The following TRAPPC11 variants were observed in gnomAD, a reference collection of about 807,000 sequenced individuals.
TRAPPC11 encodes foie gras homolog.
Under a neutral mutation model 151.2 loss-of-function variants are expected in TRAPPC11, and 104 were observed. The ratio of observed to expected loss-of-function variants is 0.69; its 90% CI spans 0.59 to 0.81. The LOEUF is 0.81. Among genes scored for constraint, TRAPPC11 ranks in the 30% least tolerant of loss-of-function variants. TRAPPC11 has a pLI of 0.00. For synonymous variants in TRAPPC11, 456 were observed against 472.3 expected, an observed-to-expected ratio of 0.97 and a Z score of 0.45; for missense variants, 1,230 against 1,349.6, an observed-to-expected ratio of 0.91 and a Z score of 1.39.
intron 26 of TRAPPC11, among the ~76,000 whole-genome samples, chr4:183,702,310 C>T (rs1414328728): frequency 6.7e-5 from 10 of 149,966 alleles, no homozygotes; most frequent in Middle Eastern, 3.2e-3. Flanking sequence ...TGCCACTGCA[C>T]TCTAGCCTGG....
At chr4:183,679,312 C>T in intron 8 of TRAPPC11, 41 bp from the exon 9 acceptor site, 1 of 1,510,042 alleles carries the variant, frequency 6.6e-7, no homozygotes, top group African/African-American at 1.4e-5. Flanking sequence ...TTTTGACTTT[C>T]TTTTTTTCCT....
At chr4:183,685,207 A>T in intron 16 of TRAPPC11, 62 bp downstream of exon 16, 1 of 1,609,360 alleles carries the variant, frequency 6.2e-7, no homozygotes, top group Non-Finnish European at 8.5e-7. Context: ...TATCTATATC[A>T]ACTAATCCAA....
rs1736048047 is a variant in TRAPPC11 at position 183,687,576 on chromosome 4, A to T, written c.1893+828A>T. On this transcript the variant is annotated intron_variant, in intron 18 of 29. Transcript: ENST00000334690. ...ACTCCTGGGCTCCAGTGATCCACCAACCTCAGCCTCCCAAAGTGCTAGGAT... is the reference window on the plus strand; with the variant it reads ...ACTCCTGGGCTCCAGTGATCCACCATCCTCAGCCTCCCAAAGTGCTAGGAT... Among the ~76,000 whole-genome samples, 4 of 151,960 alleles carry T rather than the reference A, an allele frequency of 2.6e-5. No individual in the cohort carries two copies. In the South Asian group the frequency reaches 8.3e-4, roughly 32 times the overall value.
chr4:183,691,528 A>G (rs953771433), intron 19 of TRAPPC11, 57 bp downstream of exon 19: 23 of 1,048,520 alleles, frequency 2.2e-5, no homozygotes, highest in African/African-American at 6.6e-5. Context: ...GTTTATATCA[A>G]TATTTTAAAT....
intron 17 of TRAPPC11, among the ~76,000 whole-genome samples, chr4:183,685,835 TTTTA>T (rs1735936278): frequency 6.6e-6 from 1 of 152,274 alleles, no homozygotes; most frequent in East Asian, 1.9e-4. Context: ...TGTTCATTTA[TTTTA>T]TTTTTCTTTT....
Position 183,666,412 on chromosome 4 carries a change from A to AG in TRAPPC11, c.361dup (p.Val121GlyfsTer46). ...AAAAGCAGTCTGAGTGCGCCACCAG[A>AG]GTGGAAATAGTCAGGTATGATCTTC... On this transcript the variant is annotated frameshift_variant, in exon 3 of 30. Coordinates refer to ENST00000334690, the MANE Select transcript of TRAPPC11 (RefSeq NM_021942.6). LOFTEE classifies it high-confidence loss of function. 6.2e-7 allele frequency: 1 copy of AG among 1,613,672 alleles called. No individual in the cohort carries two copies. The highest frequency in any genetic ancestry group is 8.5e-7 in the Non-Finnish European group (1 of 1,179,720).
intron 5 of TRAPPC11, among the ~76,000 whole-genome samples, chr4:183,673,364 C>A (rs1477827414): frequency 6.6e-6 from 1 of 152,142 alleles, no homozygotes; most frequent in Non-Finnish European, 1.5e-5. Context: ...TTTAAAACTA[C>A]AGTTTTGAAA....
In TRAPPC11 at chr4:183,686,199, C is replaced by T. The variant is rs558155512; in HGVS notation, c.1763-419C>T. ...TCACCTAGGCTGGAGGGCAATGCTG[C>T]GACCTCCGTTTACCACAACCTCCAC... On this transcript the variant is annotated intron_variant, in intron 17 of 29. Coordinates refer to ENST00000334690, the MANE Select transcript of TRAPPC11 (RefSeq NM_021942.6). 7.2e-5 allele frequency among the ~76,000 whole-genome samples: 11 copies of T among 152,266 alleles called. No individual in the cohort carries two copies. In the South Asian group the frequency reaches 1.2e-3, roughly 17 times the overall value.
At chr4:183,663,755 TGAGACAGAGTTTTGCTC>T in intron 1 of TRAPPC11, 75 bp from the exon 2 acceptor site, 9 of 473,396 alleles carry the variant, frequency 1.9e-5, no homozygotes, top group South Asian at 7.0e-5. Context: ...TTTTTTTTTT[TGAGACAGAGTTTTGCTC>T]TTGTTGCCCA....
chr4:183,672,993 C>T (rs1561033277), intron 5 of TRAPPC11, among the ~76,000 whole-genome samples: 2 of 141,394 alleles, frequency 1.4e-5, no homozygotes, highest in African/African-American at 2.7e-5. Context: ...GATGGAGTCT[C>T]GCTCTGTTGC....
At position 183,679,504 on chromosome 4, in the gene TRAPPC11, CT is replaced by C; in HGVS notation, c.965+22del. 6.4e-7 allele frequency: 1 copy of C among 1,559,156 alleles called. No individual in the cohort carries two copies. The highest frequency in any genetic ancestry group is 2.0e-5 in the Admixed American group (1 of 50,722). The stretch of plus-strand genomic sequence containing the variant: ...TCTAAACAGTATGTTTTACATTGTC[CT>C]TTTAGAATTTTTTAAAAATGATACA... On this transcript the variant is annotated intron_variant, in intron 9 of 29. Transcript: ENST00000334690.
At chr4:183,693,503 G>A (rs1736363981) in intron 20 of TRAPPC11, 86 bp from the exon 21 acceptor site, 3 of 1,424,082 alleles carry the variant, frequency 2.1e-6, no homozygotes, top group African/African-American at 2.9e-5. Flanking sequence ...TCTGCACCCA[G>A]CCTCTTATTT....
chr4:183,681,746 C>G (rs1561041759), intron 10 of TRAPPC11, among the ~76,000 whole-genome samples: 1 of 150,216 alleles, frequency 6.7e-6, no homozygotes. Context: ...TGCCAGTGCA[C>G]TCCAGCCTGG....
chr4:183,691,083 G>A (rs1484947390), intron 18 of TRAPPC11, among the ~76,000 whole-genome samples: 1 of 152,194 alleles, frequency 6.6e-6, no homozygotes, highest in Non-Finnish European at 1.5e-5. Context: ...TGTTTCTCTG[G>A]GAGAGGGATA....
At chr4:183,704,779 C>T (rs562929622) in intron 26 of TRAPPC11, among the ~76,000 whole-genome samples, 200 bp from the exon 27 acceptor site, 36 of 152,152 alleles carry the variant, frequency 2.4e-4, no homozygotes, top group African/African-American at 8.4e-4. Context: ...CGCCACTGCA[C>T]TCCAGTCTGG....
intron 18 of TRAPPC11, among the ~76,000 whole-genome samples, chr4:183,687,171 T>G (rs961453618): frequency 7.9e-5 from 12 of 151,950 alleles, no homozygotes; most frequent in African/African-American, 2.7e-4. Context: ...CAGAGCAAGA[T>G]CTGTGTCAAA....
At chr4:183,681,772 C>CAA (rs148717952) in intron 10 of TRAPPC11, among the ~76,000 whole-genome samples, 20,557 of 121,972 alleles carry the variant, frequency 0.17, 1,558 homozygotes, top group East Asian at 0.23. Context: ...AACTCTGTCT[C>CAA]AAAAAGAAAA....
At chr4:183,671,063 A>G (rs1735130469) in intron 5 of TRAPPC11, among the ~76,000 whole-genome samples, 1 of 151,984 alleles carries the variant, frequency 6.6e-6, no homozygotes, top group Non-Finnish European at 1.5e-5. Context: ...TCAGGGTTTT[A>G]CCACATTGGC....
intron 8 of TRAPPC11, 22 bp from the exon 9 acceptor site, chr4:183,679,331 G>T: frequency 4.6e-6 from 7 of 1,524,202 alleles, no homozygotes; most frequent in Admixed American, 2.2e-5. Context: ...CTTTATTTTG[G>T]GATCAATTTT....
Sources: gnomAD v4.1 joint callset for allele counts (sites outside exome capture counted in the v4.1 genomes callset) on GRCh38, gnomAD v4.1.1 for gene constraint, MANE v1.5 for transcripts, NCBI Gene and HGNC (gene_info 2026-07-23, HGNC 2026-07-21) for gene names.